WRN: variants seen among roughly 807,000 people sequenced by gnomAD.
The protein encoded by WRN is bifunctional 3'-5' exonuclease/ATP-dependent helicase WRN.
WRN carries 149 observed loss-of-function variants against 180.7 expected under a neutral mutation model. That is an observed-to-expected ratio of 0.82 (90% CI 0.72 to 0.94). WRN has a LOEUF of 0.94. WRN is among the 40% of genes least tolerant of loss of function. The pLI is 0.00. For synonymous variants in WRN, 548 were observed against 568.9 expected, an observed-to-expected ratio of 0.96 and a Z score of 0.52; for missense variants, 1,661 against 1,700.1, an observed-to-expected ratio of 0.98 and a Z score of 0.40.
At chr8:31,141,378 C>A in intron 24 of WRN, 52 bp from the exon 25 acceptor site, 1 of 1,603,726 alleles carries the variant, frequency 6.2e-7, no homozygotes, top group Non-Finnish European at 8.5e-7. Context: ...TTTTACTTAA[C>A]CTATATGTTT....
chr8:31,162,770 G>C (rs1803683903), intron 33 of WRN, among the ~76,000 whole-genome samples: 1 of 152,142 alleles, frequency 6.6e-6, no homozygotes, highest in Admixed American at 6.5e-5. Flanking sequence ...ACTTGTTCCT[G>C]TTGGCTGCCC....
chr8:31,144,857 C>T (rs1258010467), intron 28 of WRN, among the ~76,000 whole-genome samples: 1 of 152,188 alleles, frequency 6.6e-6, no homozygotes, highest in African/African-American at 2.4e-5. Context: ...GCAAAGCAGG[C>T]TTTTTGCTGA....
chr8:31,126,989 T>A (rs928477949), intron 23 of WRN, among the ~76,000 whole-genome samples: 1 of 152,176 alleles, frequency 6.6e-6, no homozygotes, highest in Non-Finnish European at 1.5e-5. Context: ...ATGAAATGGA[T>A]CAATTTCTTG....
rs773813223 is a variant in WRN, at chr8:31,137,531, A to G, written c.2968-3899A>G. Among the ~76,000 whole-genome samples, 14 of 152,156 alleles carry G rather than the reference A, an allele frequency of 9.2e-5. 1 individual carries two copies. The highest frequency in any genetic ancestry group is 2.6e-4 in the Admixed American group (4 of 15,274). The stretch of plus-strand genomic sequence containing the variant: ...ACCAAGTCATGCTTTTTACTCTTAG[A>G]TTAAGAAATTCAGGTTGAGTTAAAG... On this transcript the variant is annotated intron_variant, in intron 24 of 34. Coordinates refer to ENST00000298139, the MANE Select transcript of WRN (RefSeq NM_000553.6).
chr8:31,132,371 T>C lies in WRN; in HGVS notation c.2832T>C (p.Asp944=). 2 of 1,613,884 alleles carry C rather than the reference T, an allele frequency of 1.2e-6. No individual in the cohort carries two copies. Among genetic ancestry groups the C allele is most frequent in the Non-Finnish European group, 1.7e-6 (2 of 1,179,956 alleles). The part of the protein sequence containing the change: ...KCCDNCRSRL[D]HCYSMDDSED... ...TGTTATTATTTTTATTTAGATTGGA[T>C]CATTGCTATTCCATGGATGACTCAG... is the stretch of plus-strand genomic sequence containing the variant. The change falls in exon 24 of 35, where the codon GAT becomes GAC. Residue 944 remains aspartate, a synonymous_variant. Coordinates refer to ENST00000298139, the MANE Select transcript of WRN (RefSeq NM_000553.6).
At position 31,067,169 on chromosome 8, in the gene WRN, C is replaced by G. The variant is rs778470570; in HGVS notation, c.641C>G (p.Ala214Gly). The change falls in exon 6 of 35, where the codon GCC (alanine) becomes GGC (glycine). Residue 214 changes from alanine to glycine, a missense_variant. Physicochemically the swap from Ala to Gly is moderately conservative, Grantham distance 60. Coordinates refer to ENST00000298139, the MANE Select transcript of WRN (RefSeq NM_000553.6). ...PLTEDQKLYA[A>G]TDAYAGFIIY... ...ACTGAGGACCAGAAACTGTATGCAGCCACTGATGCTTATGTACGTGCTTAA... is the reference window on the plus strand; with the variant it reads ...ACTGAGGACCAGAAACTGTATGCAGGCACTGATGCTTATGTACGTGCTTAA... 1.9e-6 allele frequency: 3 copies of G among 1,613,618 alleles called. No individual in the cohort carries two copies. The South Asian group carries it at 3.3e-5, about 18-fold the overall frequency.
rs777770937 is a variant in WRN, at chr8:31,076,257, A to C, written c.809A>C (p.His270Pro). 1.2e-6 allele frequency: 2 copies of C among 1,613,796 alleles called. No homozygotes were observed. Among genetic ancestry groups the C allele is most frequent in the African/African-American group, 2.7e-5 (2 of 75,006 alleles). ...ATGGATCTGGCTAAGCATCTTCCTC[A>C]TGCTTTCAGTAAATTGGAAAACCCA... ...EVMDLAKHLP[H>P]AFSKLENPRR... Residue 270 changes from histidine to proline, a missense_variant, in exon 8 of 35, where the codon CAT becomes CCT. By Grantham distance (77) the His-to-Pro change is moderately conservative. Coordinates refer to ENST00000298139, the MANE Select transcript of WRN (RefSeq NM_000553.6).
chr8:31,127,881 G>A (rs1801989748), intron 23 of WRN, among the ~76,000 whole-genome samples: 2 of 152,154 alleles, frequency 1.3e-5, no homozygotes, highest in South Asian at 4.1e-4. Context: ...AGTGAGCCAT[G>A]ATGGCACCAC....
chr8:31,059,490 G>GT (rs924710091), intron 3 of WRN, among the ~76,000 whole-genome samples: 55 of 151,482 alleles, frequency 3.6e-4, no homozygotes, highest in Middle Eastern at 3.4e-3. Flanking sequence ...ACTTCAGACA[G>GT]TTTTTTTTTA....
intron 18 of WRN, among the ~76,000 whole-genome samples, chr8:31,104,545 A>C (rs960559943): frequency 2.0e-5 from 3 of 152,086 alleles, no homozygotes; most frequent in African/African-American, 7.2e-5. Context: ...AATCCAGTTT[A>C]TCATTTTTTC....
intron 24 of WRN, among the ~76,000 whole-genome samples, chr8:31,137,234 A>G (rs1802435451): frequency 6.6e-6 from 1 of 152,168 alleles, no homozygotes; most frequent in African/African-American, 2.4e-5. Flanking sequence ...CAGTTTTTAT[A>G]GTTATTGATC....
intron 33 of WRN, among the ~76,000 whole-genome samples, chr8:31,162,884 G>A (rs1243713515): frequency 6.6e-6 from 1 of 152,152 alleles, no homozygotes; most frequent in African/African-American, 2.4e-5. Flanking sequence ...CAAATATGAT[G>A]ATGATGATGA....
chr8:31,078,339 C>G (rs552973760), intron 8 of WRN, among the ~76,000 whole-genome samples: 8 of 152,080 alleles, frequency 5.3e-5, no homozygotes, highest in Middle Eastern at 3.4e-3. Flanking sequence ...ACCTCAGAAC[C>G]AGGAGGGAAC....
Position 31,058,612 on chromosome 8 carries a change from T to C in WRN, c.96+69T>C, listed in dbSNP as rs1812367680. ...TATATTTGACTGTGCAAAGAGTCAG[T>C]TGTTACTTGTAAACTTCAAGTCATT... On this transcript the variant is annotated intron_variant, in intron 2 of 34. Coordinates refer to ENST00000298139, the MANE Select transcript of WRN (RefSeq NM_000553.6). 6.1e-6 allele frequency: 9 copies of C among 1,477,046 alleles called. No homozygotes were observed. In the Admixed American group the frequency reaches 7.4e-5, roughly 12 times the overall value. 91.5% of individuals were successfully genotyped at this position (1,477,046 alleles called of 1,614,324 possible).
At chr8:31,150,245 C>A in intron 30 of WRN, 96 bp from the exon 31 acceptor site, 1 of 960,518 alleles carries the variant, frequency 1.0e-6, no homozygotes, top group Non-Finnish European at 1.7e-6. Context: ...TTGAGAGAAT[C>A]ATTAGGAAGC....
At chr8:31,108,775 A>G (rs1187147804) in intron 18 of WRN, among the ~76,000 whole-genome samples, 1 of 152,028 alleles carries the variant, frequency 6.6e-6, no homozygotes, top group Non-Finnish European at 1.5e-5. Context: ...GAAAATAGTG[A>G]GTGTCTGAAG....
intron 31 of WRN, among the ~76,000 whole-genome samples, chr8:31,153,192 A>G (rs1398617251): frequency 6.6e-6 from 1 of 152,172 alleles, no homozygotes; most frequent in Non-Finnish European, 1.5e-5. Flanking sequence ...TCTAATATAT[A>G]CACTGATATT....
intron 18 of WRN, among the ~76,000 whole-genome samples, chr8:31,108,989 G>A (rs1801200201): frequency 6.6e-6 from 1 of 152,148 alleles, no homozygotes. Flanking sequence ...TGAGGCAGAG[G>A]GCAGTAATTG....
chr8:31,152,870 C>T (rs1383130928), intron 31 of WRN, among the ~76,000 whole-genome samples: 1 of 151,968 alleles, frequency 6.6e-6, no homozygotes, highest in East Asian at 1.9e-4. Flanking sequence ...GAGACCCGAC[C>T]TCTACAAAAA....
Sources: allele counts gnomAD v4.1 joint callset (sites outside exome capture counted in the v4.1 genomes callset), GRCh38; gene constraint gnomAD v4.1.1; transcripts MANE v1.5; gene names NCBI Gene and HGNC (gene_info 2026-07-23, HGNC 2026-07-21).